The following CSMD1 variants were observed in gnomAD, a reference collection of about 807,000 sequenced individuals.
The protein encoded by CSMD1 is CUB and sushi domain-containing protein 1.
Under a neutral mutation model 417.5 loss-of-function variants are expected in CSMD1, and 213 were observed. The ratio of observed to expected loss-of-function variants is 0.51; its 90% CI spans 0.46 to 0.57. The LOEUF (loss-of-function observed/expected upper bound fraction) is 0.57. Ranked by LOEUF, CSMD1 falls within the 20% of genes least tolerant of loss-of-function variation. The pLI, the probability that CSMD1 is intolerant of heterozygous loss-of-function variation, is 0.00. For missense variants in CSMD1, 6,923 were observed against 4,529.7 expected, an observed-to-expected ratio of 1.53 and a Z score of -15.17; for synonymous variants, 2,862 against 1,736.8, an observed-to-expected ratio of 1.65 and a Z score of -16.11.
At chr8:4,952,518 T>G (rs1191683867) in intron 1 of CSMD1, among the ~76,000 whole-genome samples, 1 of 152,082 alleles carries the variant, frequency 6.6e-6, no homozygotes, top group Admixed American at 6.5e-5. Flanking sequence ...CATGAATTAC[T>G]TAAATTCTAT....
At chr8:3,016,202 G>A (rs777770736) in intron 52 of CSMD1, among the ~76,000 whole-genome samples, 1 of 152,092 alleles carries the variant, frequency 6.6e-6, no homozygotes, top group Non-Finnish European at 1.5e-5. Flanking sequence ...CTCCAAATAT[G>A]GCACCTAGTT....
intron 3 of CSMD1, among the ~76,000 whole-genome samples, chr8:4,054,286 T>C (rs1798580789): frequency 2.7e-5 from 1 of 37,578 alleles, no homozygotes; most frequent in South Asian, 1.8e-3. Context: ...AGTGAAGATG[T>C]GGCTTCCACT....
intron 18 of CSMD1, among the ~76,000 whole-genome samples, chr8:3,382,442 AT>A (rs1810689146): frequency 7.1e-6 from 1 of 141,794 alleles, no homozygotes. Flanking sequence ...ATAATAACAT[AT>A]ATAATATAAT....
intron 1 of CSMD1, among the ~76,000 whole-genome samples, chr8:4,907,724 A>AT (rs33995355): frequency 0.34 from 50,473 of 146,852 alleles, 9,508 homozygotes; most frequent in Non-Finnish European, 0.44. Flanking sequence ...ATCCCCGGCA[A>AT]TTTTTTTTTT....
At chr8:4,053,311 G>A (rs1037406206) in intron 3 of CSMD1, among the ~76,000 whole-genome samples, 2 of 152,184 alleles carry the variant, frequency 1.3e-5, no homozygotes, top group African/African-American at 4.8e-5. Flanking sequence ...GCGAATGCAT[G>A]AGAATAATAA....
At chr8:3,383,657 T>C (rs1810782947) in intron 18 of CSMD1, among the ~76,000 whole-genome samples, 1 of 152,062 alleles carries the variant, frequency 6.6e-6, no homozygotes, top group African/African-American at 2.4e-5. Flanking sequence ...ATAAAAGACT[T>C]ACAATGTGTA....
intron 1 of CSMD1, among the ~76,000 whole-genome samples, chr8:4,832,308 G>C (rs1451237621): frequency 1.3e-5 from 2 of 152,138 alleles, no homozygotes; most frequent in Non-Finnish European, 2.9e-5. Flanking sequence ...GCGCACATGA[G>C]GAGATGGACA....
At chr8:4,123,834 G>A (rs1323100016) in intron 3 of CSMD1, among the ~76,000 whole-genome samples, 1 of 152,114 alleles carries the variant, frequency 6.6e-6, no homozygotes, top group Non-Finnish European at 1.5e-5. Flanking sequence ...AGGACCTATA[G>A]AGAATGAGAA....
At chr8:4,422,598 G>A (rs193286948) in intron 2 of CSMD1, among the ~76,000 whole-genome samples, 1 of 152,000 alleles carries the variant, frequency 6.6e-6, no homozygotes, top group African/African-American at 2.4e-5. Context: ...TCTGGACCCT[G>A]ATCTCAGACT....
chr8:4,447,853 AGT>A (rs1258250107), intron 2 of CSMD1, among the ~76,000 whole-genome samples: 9 of 152,202 alleles, frequency 5.9e-5, no homozygotes, highest in African/African-American at 1.4e-4. Context: ...AACTTAAAAA[AGT>A]GTAAGTAGAG....
chr8:4,714,219 C>T (rs1009676074), intron 1 of CSMD1, among the ~76,000 whole-genome samples: 1 of 152,138 alleles, frequency 6.6e-6, no homozygotes, highest in African/African-American at 2.4e-5. Context: ...TTGACGCCTC[C>T]TCTGTCATTC....
intron 6 of CSMD1, among the ~76,000 whole-genome samples, chr8:3,733,349 TTATATATATAA>T (rs1010737431): frequency 1.4e-5 from 2 of 147,742 alleles, no homozygotes; most frequent in Non-Finnish European, 3.0e-5. Flanking sequence ...GACATATATA[TTATATATATAA>T]TATATATATA....
At chr8:4,491,476 C>A (rs1447112333) in intron 2 of CSMD1, among the ~76,000 whole-genome samples, 1 of 152,102 alleles carries the variant, frequency 6.6e-6, no homozygotes, top group African/African-American at 2.4e-5. Flanking sequence ...CAGCTATGGA[C>A]TTTTGTTGGT....
intron 59 of CSMD1, among the ~76,000 whole-genome samples, chr8:2,964,293 G>T (rs915315098): frequency 2.6e-5 from 4 of 152,182 alleles, no homozygotes; most frequent in African/African-American, 9.7e-5. Context: ...GTTGGAAATG[G>T]GTCCTTCCCT....
At chr8:4,930,710 T>C (rs1271909704) in intron 1 of CSMD1, among the ~76,000 whole-genome samples, 1 of 152,224 alleles carries the variant, frequency 6.6e-6, no homozygotes, top group African/African-American at 2.4e-5. Flanking sequence ...TTGTGGATAA[T>C]ACCATATAAT....
chr8:4,878,700 T>A (rs991512274), intron 1 of CSMD1, among the ~76,000 whole-genome samples: 6 of 151,968 alleles, frequency 3.9e-5, no homozygotes, highest in African/African-American at 1.2e-4. Context: ...ATTTTACCCA[T>A]TTTTACAGTT....
chr8:4,376,881 G>C (rs572478251), intron 3 of CSMD1, among the ~76,000 whole-genome samples: 1 of 152,080 alleles, frequency 6.6e-6, no homozygotes, highest in East Asian at 1.9e-4. Flanking sequence ...ACAGGTATTT[G>C]ACTTGGATTT....
intron 3 of CSMD1, among the ~76,000 whole-genome samples, chr8:4,196,148 T>A (rs563514600): frequency 6.6e-6 from 1 of 151,954 alleles, no homozygotes; most frequent in East Asian, 1.9e-4. Flanking sequence ...GAAGTGGAGC[T>A]TGCAGGGAGC....
intron 3 of CSMD1, among the ~76,000 whole-genome samples, chr8:4,338,993 T>G (rs1800326600): frequency 6.6e-6 from 1 of 152,004 alleles, no homozygotes; most frequent in Admixed American, 6.6e-5. Context: ...TGCTTTGAGA[T>G]TCTGTGAAAA....
Sources: allele counts gnomAD v4.1 joint callset (sites outside exome capture counted in the v4.1 genomes callset), GRCh38; gene constraint gnomAD v4.1.1; transcripts MANE v1.5; gene names NCBI Gene and HGNC (gene_info 2026-07-23, HGNC 2026-07-21).